The following TMEM161A variants were observed in gnomAD, a reference collection of about 807,000 sequenced individuals.
The protein encoded by TMEM161A is adaptive response to oxidative stress protein 29.
Under a neutral mutation model 57.1 loss-of-function variants are expected in TMEM161A, and 46 were observed. That is an observed-to-expected ratio of 0.81 (90% CI 0.64 to 1.03). TMEM161A has a LOEUF of 1.03. TMEM161A is among the 50% of genes least tolerant of loss of function. The pLI is 0.00. For synonymous variants in TMEM161A, 288 were observed against 279.0 expected (o/e 1.03, Z -0.32); for missense variants, 601 against 621.5 (o/e 0.97, Z 0.35).
At chr19:19,120,325 C>A (rs544101995) in intron 11 of TMEM161A, 142 bp from the exon 12 acceptor site, 9 of 772,528 alleles carry the variant, frequency 1.2e-5, no homozygotes, top group East Asian at 2.7e-5. Flanking sequence ...GTCTCCACCC[C>A]CTCAGGCGCT....
Position 19,121,897 on chromosome 19 carries a change from C to A in TMEM161A, c.596-78G>T, listed in dbSNP as rs2059913056. The A allele has an allele frequency of 6.6e-7, 1 of 1,510,140 alleles. No individual in the cohort carries two copies. Among genetic ancestry groups the A allele is most frequent in the East Asian group, 2.3e-5 (1 of 43,130 alleles). 93.5% of individuals were successfully genotyped at this position (1,510,140 alleles called of 1,614,324 possible). A position where few individuals can be genotyped will look rare whatever the true frequency, so the allele number is the denominator to read the frequency against. On this transcript the variant is annotated intron_variant, in intron 6 of 11. Coordinates refer to ENST00000162044, the MANE Select transcript of TMEM161A (RefSeq NM_017814.3). The surrounding 1 kb of genome is among the most constrained non-coding windows in gnomAD (Gnocchi z 5.8). ...GCCACTCTGTTCCCTAACCCCCCAT[C>A]CCTCAGGCATCCGTTTGCTTCCCAA...
intron 1 of TMEM161A, among the ~76,000 whole-genome samples, chr19:19,136,715 T>C (rs978570573): frequency 1.2e-4 from 18 of 152,078 alleles, no homozygotes; most frequent in African/African-American, 4.3e-4. Context: ...TAATAGGACA[T>C]TTTCTCTGTA....
In TMEM161A at chr19:19,132,697, G is replaced by A; in HGVS notation, c.246C>T (p.Phe82=). ...TCGTGAGGGGGCAGGTCTCCAGCTGGAACGGGGCATCTCGGGGCACAGACA... is the reference window on the plus strand; with the variant it reads ...TCGTGAGGGGGCAGGTCTCCAGCTGAAACGGGGCATCTCGGGGCACAGACA... ...KPLSVPRDAP[F]QLETCPLTTV... Residue 82 remains phenylalanine (F), a synonymous_variant, in exon 4 of 12, where the codon TTC becomes TTT. Transcript: ENST00000162044. This position sits in a 1 kb window ranked among gnomAD's most constrained non-coding sequence, Gnocchi z 4.3. 6.3e-7 allele frequency: 1 copy of A among 1,581,646 alleles called. No homozygotes were observed. The highest frequency in any genetic ancestry group is 8.6e-7 in the Non-Finnish European group (1 of 1,163,392).
chr19:19,120,620 G>A lies in TMEM161A; in HGVS notation c.1186+145C>T, dbSNP rs537715935. The A allele has an allele frequency of 5.1e-5, 38 of 751,736 alleles. No homozygotes were observed. In the East Asian group the frequency reaches 8.9e-4, roughly 18 times the overall value. 46.6% of individuals were successfully genotyped at this position (751,736 alleles called of 1,614,324 possible). On this transcript the variant is annotated intron_variant, in intron 11 of 11. Coordinates refer to ENST00000162044, the MANE Select transcript of TMEM161A (RefSeq NM_017814.3). ...AGCCCCACTCCAGGCTCCGCTTCCT[G>A]CTCAGACCCTGCCTTACCACAGTCT...
chr19:19,123,290 A>G (rs2059918511), intron 6 of TMEM161A, among the ~76,000 whole-genome samples: 1 of 152,250 alleles, frequency 6.6e-6, no homozygotes, highest in Non-Finnish European at 1.5e-5. Context: ...ATGGTTGAGA[A>G]GTTTGCAGAA....
chr19:19,126,656 G>A (rs111691938), intron 6 of TMEM161A, among the ~76,000 whole-genome samples: 4 of 152,130 alleles, frequency 2.6e-5, no homozygotes, highest in African/African-American at 9.6e-5. Context: ...GATCACCTGA[G>A]GTCAGGAGTT....
intron 2 of TMEM161A, chr19:19,133,494 CAG>C (rs2059969579): frequency 2.7e-6 from 1 of 376,412 alleles, no homozygotes; most frequent in Non-Finnish European, 4.8e-6. Context: ...CTTTTTGAGA[CAG>C]AGTCTCCCTC....
intron 1 of TMEM161A, among the ~76,000 whole-genome samples, 171 bp downstream of exon 1, chr19:19,138,255 C>A (rs1042920113): frequency 6.6e-6 from 1 of 152,230 alleles, no homozygotes; most frequent in Non-Finnish European, 1.5e-5. Flanking sequence ...GGTCCTGTAG[C>A]GAGAGCAGGG....
chr19:19,124,823 C>CGG (rs2059923760), intron 6 of TMEM161A, among the ~76,000 whole-genome samples: 2 of 151,858 alleles, frequency 1.3e-5, no homozygotes, highest in African/African-American at 2.4e-5. Flanking sequence ...GGCGTGGTGG[C>CGG]GTGCACCTGT....
At chr19:19,131,811 C>A (rs931466385) in intron 5 of TMEM161A, among the ~76,000 whole-genome samples, 3 of 152,144 alleles carry the variant, frequency 2.0e-5, no homozygotes, top group African/African-American at 7.2e-5. Flanking sequence ...CAGGCATGAG[C>A]CACCGCGCCT....
chr19:19,121,763 A>G lies in TMEM161A; in HGVS notation c.652T>C (p.Trp218Arg). ...TCCCCCATTCCCAGGACTCACGCCCAGTCCCAGCCCTGCTTCTTCAGAAGT... is the reference window on the plus strand; with the variant it reads ...TCCCCCATTCCCAGGACTCACGCCCGGTCCCAGCCCTGCTTCTTCAGAAGT... ...EPLLKKQGWD[W>R]ALPVAKLAIR... Residue 218 changes from tryptophan to arginine, a missense_variant, in exon 7 of 12, where the codon TGG (tryptophan) becomes CGG (arginine). By Grantham distance (101) the Trp-to-Arg change is moderately radical (BLOSUM62 -3). Coordinates refer to ENST00000162044, the MANE Select transcript of TMEM161A (RefSeq NM_017814.3). The surrounding 1 kb of genome is among the most constrained non-coding windows in gnomAD (Gnocchi z 5.8). The G allele has an allele frequency of 1.2e-6, 2 of 1,614,036 alleles. No individual in the cohort carries two copies. Among genetic ancestry groups the G allele is most frequent in the Non-Finnish European group, 1.7e-6 (2 of 1,179,988 alleles).
At chr19:19,126,535 G>C (rs1282909670) in intron 6 of TMEM161A, among the ~76,000 whole-genome samples, 1 of 152,076 alleles carries the variant, frequency 6.6e-6, no homozygotes, top group East Asian at 1.9e-4. Context: ...GACTAGCCTG[G>C]GCAACATGGC....
In TMEM161A at chr19:19,120,754, C is replaced by A. The variant is rs780326372; in HGVS notation, c.1186+11G>T. ...CCGCCCCTCCTCCACCCCCACACCG[C>A]GGCATCTCACCCAGCGTCTTGAGCA... On this transcript the variant is annotated intron_variant, in intron 11 of 11. Transcript: ENST00000162044. 5.6e-6 allele frequency: 9 copies of A among 1,612,362 alleles called. No individual in the cohort carries two copies. In the South Asian group the frequency reaches 8.8e-5, roughly 16 times the overall value.
Position 19,119,818 on chromosome 19 carries a change from G to T in TMEM161A, c.*112C>A. On this transcript the variant is annotated 3_prime_UTR_variant, in exon 12 of 12. Transcript: ENST00000162044. ...GCACTGTGGTGAAGGGAACGCCGGG[G>T]AGTCCGGCCCCACCTTGCAGCTGGG... The T allele has an allele frequency of 7.4e-7, 1 of 1,360,348 alleles. No individual in the cohort carries two copies. The highest frequency in any genetic ancestry group is 1.4e-5 in the South Asian group (1 of 70,328). 84.3% of individuals were successfully genotyped at this position (1,360,348 alleles called of 1,614,324 possible). A position where few individuals can be genotyped will look rare whatever the true frequency, so the allele number is the denominator to read the frequency against.
Position 19,121,528 on chromosome 19 carries a change from A to C in TMEM161A, c.797T>G (p.Leu266Arg). 6.2e-7 allele frequency: 1 copy of C among 1,613,862 alleles called. No individual in the cohort carries two copies. The highest frequency in any genetic ancestry group is 8.5e-7 in the Non-Finnish European group (1 of 1,179,888). Reference protein sequence around the residue: ...ALTMSEDRPMLQFLLHTSFLS... With the variant: ...ALTMSEDRPMRQFLLHTSFLS... Reference sequence around the variant, plus strand: ...CCCACCAAGCGACCCACTTAACTGCAGCATGGGTCTGTCCTCCGACATGGT... The same window carrying C: ...CCCACCAAGCGACCCACTTAACTGCCGCATGGGTCTGTCCTCCGACATGGT... The change falls in exon 8 of 12, where the codon CTG becomes CGG. Residue 266 changes from leucine to arginine, a missense_variant. Physicochemically the swap from Leu to Arg is moderately radical, Grantham distance 102. Transcript: ENST00000162044. The surrounding 1 kb of genome is among the most constrained non-coding windows in gnomAD (Gnocchi z 5.8).
rs867377143 is a variant in TMEM161A at position 19,121,131 on chromosome 19, C to A, written c.950G>T (p.Trp317Leu). 9.3e-6 allele frequency: 15 copies of A among 1,610,348 alleles called. No homozygotes were observed. In the Middle Eastern group the frequency reaches 1.5e-3, roughly 160 times the overall value. ...SDSAFDSGRLWLLVVLCLLRL... is the reference protein window; with the variant it reads ...SDSAFDSGRLLLLVVLCLLRL... ...CAGCAGGCACAGCACCACCAGCAAC[C>A]AGAGGCGCCCAGAGTCGAAGGCAGA... is the stretch of plus-strand genomic sequence containing the variant. Residue 317 changes from tryptophan (W) to leucine (L), a missense_variant, in exon 10 of 12, where the codon TGG becomes TTG. By Grantham distance (61) the Trp-to-Leu change is moderately conservative. Coordinates refer to ENST00000162044, the MANE Select transcript of TMEM161A (RefSeq NM_017814.3). This position sits in a 1 kb window ranked among gnomAD's most constrained non-coding sequence, Gnocchi z 5.8.
chr19:19,121,842 C>T lies in TMEM161A; in HGVS notation c.596-23G>A, dbSNP rs199667636. 2.3e-5 allele frequency: 37 copies of T among 1,612,942 alleles called. No individual in the cohort carries two copies. Among genetic ancestry groups the T allele is most frequent in the African/African-American group, 8.0e-5 (6 of 74,986 alleles). On this transcript the variant is annotated intron_variant, in intron 6 of 11. Coordinates refer to ENST00000162044, the MANE Select transcript of TMEM161A (RefSeq NM_017814.3). This position sits in a 1 kb window ranked among gnomAD's most constrained non-coding sequence, Gnocchi z 5.8. The stretch of plus-strand genomic sequence containing the variant: ...GACCTGGGGACGATAAGAAGAGGAC[C>T]GAGTAGAGTGAATTCCTAGGGTCTC...
intron 2 of TMEM161A, 70 bp from the exon 3 acceptor site, chr19:19,133,280 A>G (rs1352688814): frequency 9.3e-6 from 13 of 1,397,868 alleles, no homozygotes; most frequent in Non-Finnish European, 1.3e-5. Context: ...TGAACCCCAA[A>G]TCCAGGGATT....
chr19:19,134,915 AC>A, intron 1 of TMEM161A, 28 bp from the exon 2 acceptor site: 1 of 1,487,396 alleles, frequency 6.7e-7, no homozygotes. Flanking sequence ...GACTGGCAGC[AC>A]CTGCCAGAGG....
Sources: allele counts gnomAD v4.1 joint callset (sites outside exome capture counted in the v4.1 genomes callset), GRCh38; gene constraint gnomAD v4.1.1; non-coding constraint Gnocchi (gnomAD v3.1); transcripts MANE v1.5; gene names NCBI Gene and HGNC (gene_info 2026-07-23, HGNC 2026-07-21).